TEX11: variants seen among roughly 807,000 people sequenced by gnomAD.
TEX11 encodes testis-expressed protein 11.
Under a neutral mutation model 84.4 loss-of-function variants are expected in TEX11, and 7 were observed. The observed-to-expected ratio is 0.08, with a 90% CI of 0.05 to 0.16. TEX11 has a LOEUF of 0.16. Ranked by LOEUF, TEX11 falls within the 10% of genes least tolerant of loss-of-function variation. The pLI is 1.00. For synonymous variants in TEX11, 264 were observed against 222.8 expected, an observed-to-expected ratio of 1.18 and a Z score of -1.64; for missense variants, 551 against 660.5, an observed-to-expected ratio of 0.83 and a Z score of 1.82.
At chrX:70,764,380 A>C (rs2090927178) in intron 9 of TEX11, among the ~76,000 whole-genome samples, 1 of 111,741 alleles carries the variant, frequency 8.9e-6, no homozygotes, top group African/African-American at 3.2e-5. Flanking sequence ...AAAAGAAGAA[A>C]ATTTTCAAAT....
At chrX:70,811,149 A>G (rs767641310) in intron 8 of TEX11, among the ~76,000 whole-genome samples, 402 of 110,713 alleles carry the variant, frequency 3.6e-3, no homozygotes, top group Non-Finnish European at 6.1e-3. Context: ...TACATTAGGT[A>G]TATCTCCTAA....
At chrX:70,530,473 A>G (rs953512850) in intron 28 of TEX11, among the ~76,000 whole-genome samples, 2 of 112,324 alleles carry the variant, frequency 1.8e-5, no homozygotes, top group African/African-American at 6.5e-5. Context: ...CTACCTAGCT[A>G]TGAACACAGC....
chrX:70,894,455 G>A (rs915766724), intron 2 of TEX11, among the ~76,000 whole-genome samples: 4 of 110,015 alleles, frequency 3.6e-5, no homozygotes, highest in East Asian at 5.8e-4. Flanking sequence ...GTGAAGCCCC[G>A]TCTCTACTAA....
At chrX:70,846,648 G>A (rs1238795223) in intron 7 of TEX11, among the ~76,000 whole-genome samples, 1 of 111,814 alleles carries the variant, frequency 8.9e-6, no homozygotes, top group Non-Finnish European at 1.9e-5. Context: ...CCCAGGTCAG[G>A]CATGGTCGCT....
intron 15 of TEX11, among the ~76,000 whole-genome samples, chrX:70,671,910 T>TATATATACACAC (rs57166359): frequency 1.0e-4 from 7 of 67,971 alleles, no homozygotes; most frequent in African/African-American, 2.6e-4. Context: ...TATATATATA[T>TATATATACACAC]ACACACACAC....
chrX:70,622,785 G>T (rs1037979529), intron 20 of TEX11, among the ~76,000 whole-genome samples: 5 of 111,336 alleles, frequency 4.5e-5, no homozygotes, highest in African/African-American at 6.5e-5. Flanking sequence ...TTATCTCCTT[G>T]ATACCTCCAC....
At chrX:70,698,607 G>A (rs5936582) in intron 13 of TEX11, among the ~76,000 whole-genome samples, 1 of 108,379 alleles carries the variant, frequency 9.2e-6, no homozygotes, top group African/African-American at 3.3e-5. Flanking sequence ...GATGATCCTA[G>A]AGGAACTGCA....
At chrX:70,733,946 C>A (rs1474678680) in intron 11 of TEX11, among the ~76,000 whole-genome samples, 1 of 111,752 alleles carries the variant, frequency 8.9e-6, no homozygotes, top group Non-Finnish European at 1.9e-5. Context: ...AAAAGTGGCA[C>A]ATACACACCA....
intron 13 of TEX11, among the ~76,000 whole-genome samples, chrX:70,688,186 T>G (rs957066747): frequency 9.0e-6 from 1 of 111,397 alleles, no homozygotes. Flanking sequence ...TCCTAAGACA[T>G]GTCATAGTCA....
chrX:70,564,676 T>A (rs1218652988), intron 25 of TEX11, among the ~76,000 whole-genome samples: 45 of 106,588 alleles, frequency 4.2e-4, no homozygotes, highest in Non-Finnish European at 8.7e-4. Context: ...GTTCTTGCAA[T>A]AGTTTACTGA....
At chrX:70,788,430 A>G (rs2091093015) in intron 9 of TEX11, among the ~76,000 whole-genome samples, 1 of 111,154 alleles carries the variant, frequency 9.0e-6, no homozygotes, top group Non-Finnish European at 1.9e-5. Context: ...AGTCTCTTCA[A>G]CAAATGATGT....
the TEX11 span, among the ~76,000 whole-genome samples, chrX:70,521,094 G>A: frequency 9.0e-6 from 1 of 111,245 alleles, no homozygotes; most frequent in African/African-American, 3.3e-5. Flanking sequence ...GTGCTTCCTG[G>A]GTGAGGTGAT....
chrX:70,880,184 T>G (rs184658689), intron 2 of TEX11, 75 bp from the exon 3 acceptor site: 1 of 823,038 alleles, frequency 1.2e-6, no homozygotes, highest in Non-Finnish European at 1.7e-6. Flanking sequence ...TTTTTAAATC[T>G]ATGTCTAAAT....
chrX:70,592,632 C>T, intron 24 of TEX11, among the ~76,000 whole-genome samples: 1 of 111,292 alleles, frequency 9.0e-6, no homozygotes. Flanking sequence ...AGTGTCCATG[C>T]TGGGAGCAGC....
In TEX11 at chrX:70,720,684, C is replaced by T. The variant is rs754383482; in HGVS notation, c.1004+1934G>A. Among the ~76,000 whole-genome samples the T allele has an allele frequency of 1.6e-4, 17 of 108,455 alleles. 1 individual carries two copies. In the South Asian group the frequency reaches 3.9e-3, roughly 25 times the overall value. 94.2% of individuals were successfully genotyped at this position (108,455 alleles called of 115,157 possible). ...AGGATTGCTTATTTTATTCACTTTC[C>T]AAAATAAACCCAGTTGAAATTTCAG... is the stretch of plus-strand genomic sequence containing the variant. On this transcript the variant is annotated intron_variant, in intron 13 of 29. Transcript: ENST00000374333.
intron 9 of TEX11, among the ~76,000 whole-genome samples, chrX:70,788,685 AACACACACACACACACAC>A (rs753573687): frequency 1.4e-5 from 1 of 69,462 alleles, no homozygotes; most frequent in Non-Finnish European, 2.6e-5. Flanking sequence ...TCTCTTGGGA[AACACACACACACACACAC>A]ACACACACAC....
chrX:70,610,527 G>T lies in TEX11; in HGVS notation c.1768C>A (p.Arg590=), dbSNP rs371764532. 7 of 1,205,196 alleles carry T rather than the reference G, an allele frequency of 5.8e-6. No homozygotes were observed. The African/African-American group carries it at 7.0e-5, about 12-fold the overall frequency. ...ESEDKKKEMD[R]LLTCLNRAFV... is the part of the protein sequence containing the mutation. ...CCTCTATTCAGGCAAGTCAAAAGTCGATCCATTTCTTTCTTCCTAAAAATA... is the reference window on the plus strand; with the variant it reads ...CCTCTATTCAGGCAAGTCAAAAGTCTATCCATTTCTTTCTTCCTAAAAATA... The change falls in exon 21 of 30, where the codon CGA becomes AGA. Residue 590 remains arginine, a synonymous_variant. Coordinates refer to ENST00000374333, the MANE Select transcript of TEX11 (RefSeq NM_031276.3).
At chrX:70,882,644 G>A (rs1880998145) in intron 2 of TEX11, among the ~76,000 whole-genome samples, 1 of 110,670 alleles carries the variant, frequency 9.0e-6, no homozygotes, top group South Asian at 3.9e-4. Flanking sequence ...ATCTGGGTGT[G>A]GTGGCTCACA....
chrX:70,881,693 T>C (rs1174739331), intron 2 of TEX11, among the ~76,000 whole-genome samples: 1 of 111,312 alleles, frequency 9.0e-6, no homozygotes, highest in East Asian at 2.8e-4. Context: ...AAATATCTCA[T>C]GTATCCTATA....
Sources: allele counts gnomAD v4.1 joint callset (sites outside exome capture counted in the v4.1 genomes callset), GRCh38; gene constraint gnomAD v4.1.1; transcripts MANE v1.5; gene names NCBI Gene and HGNC (gene_info 2026-07-23, HGNC 2026-07-21).